The following AGMO variants were observed in gnomAD, a reference collection of about 807,000 sequenced individuals.
AGMO encodes the protein alkylglycerol monooxygenase.
A neutral mutation model predicts 60.2 loss-of-function variants in AGMO; 75 were observed. That is an observed-to-expected ratio of 1.25 (90% CI 1.03 to 1.51). AGMO has a LOEUF of 1.51. Ranked by LOEUF, AGMO falls within the 40% of genes most tolerant of loss-of-function variation. The pLI, the probability that AGMO is intolerant of heterozygous loss-of-function variation, is 0.00. For missense variants in AGMO, 763 were observed against 525.5 expected (o/e 1.45, Z -4.42); for synonymous variants, 261 against 177.1 (o/e 1.47, Z -3.76).
chr7:15,207,963 A>G (rs1394137036), intron 12 of AGMO, among the ~76,000 whole-genome samples: 1 of 152,184 alleles, frequency 6.6e-6, no homozygotes, highest in Non-Finnish European at 1.5e-5. Context: ...AAATAAGGAA[A>G]TAAATAAAGT....
chr7:15,166,403 A>G, the AGMO span, among the ~76,000 whole-genome samples: 1 of 152,170 alleles, frequency 6.6e-6, no homozygotes, highest in Non-Finnish European at 1.5e-5. Context: ...TGGTGTCGGG[A>G]GACCAGAGTG....
intron 12 of AGMO, among the ~76,000 whole-genome samples, chr7:15,278,245 A>G (rs552916239): frequency 6.6e-6 from 1 of 151,996 alleles, no homozygotes; most frequent in African/African-American, 2.4e-5. Context: ...ACAGAAGGGG[A>G]GTGACTTTAC....
At chr7:15,276,026 T>G (rs767239878) in intron 12 of AGMO, among the ~76,000 whole-genome samples, 13 of 152,154 alleles carry the variant, frequency 8.5e-5, no homozygotes, top group Admixed American at 1.3e-4. Flanking sequence ...CCATTTATTT[T>G]TAATGTTAAT....
chr7:15,198,390 T>G (rs1231297886), downstream of AGMO, among the ~76,000 whole-genome samples: 1 of 152,110 alleles, frequency 6.6e-6, no homozygotes, highest in African/African-American at 2.4e-5. Flanking sequence ...AAAAGAAAAC[T>G]GGACTGGAAA....
chr7:15,325,797 T>TA (rs1349905430), intron 12 of AGMO, among the ~76,000 whole-genome samples: 1 of 152,164 alleles, frequency 6.6e-6, no homozygotes, highest in Non-Finnish European at 1.5e-5. Context: ...AGGATTATCT[T>TA]AATAGGAAGT....
chr7:15,408,493 C>T (rs1374856851), intron 5 of AGMO, among the ~76,000 whole-genome samples: 2 of 151,712 alleles, frequency 1.3e-5, no homozygotes, highest in African/African-American at 2.4e-5. Flanking sequence ...GCGGTATTAA[C>T]GAACTATTTA....
At chr7:15,411,881 G>A (rs949079729) in intron 5 of AGMO, among the ~76,000 whole-genome samples, 3 of 152,004 alleles carry the variant, frequency 2.0e-5, no homozygotes, top group African/African-American at 7.2e-5. Context: ...TTACACATGA[G>A]TGGATCTTGA....
intron 12 of AGMO, among the ~76,000 whole-genome samples, chr7:15,309,323 C>A (rs1352581831): frequency 6.6e-6 from 1 of 151,946 alleles, no homozygotes; most frequent in Non-Finnish European, 1.5e-5. Context: ...TGAGTAGGTA[C>A]CAATAAAAAA....
chr7:15,546,254 C>A (rs115466762), intron 2 of AGMO, among the ~76,000 whole-genome samples: 1 of 152,008 alleles, frequency 6.6e-6, no homozygotes, highest in Non-Finnish European at 1.5e-5. Context: ...TTAATATATG[C>A]AACTCAGAGA....
Position 15,529,699 on chromosome 7 carries a change from C to CAT in AGMO, c.409+15071_409+15072dup, listed in dbSNP as rs1491105525. Among the ~76,000 whole-genome samples, 17 of 20,660 alleles carry CAT rather than the reference C, an allele frequency of 8.2e-4. 1 individual carries two copies. The East Asian group carries it at 0.045, about 55-fold the overall frequency. The allele number at this position is 20,660 out of a possible 152,430, so 13.6% of individuals were successfully genotyped here. A position where few individuals can be genotyped will look rare whatever the true frequency, so the allele number is the denominator to read the frequency against. Reference sequence around the variant, plus strand: ...TATTCTATATATAGAATATATATTCCATATATACTATATATATACTATATA... The same window carrying CAT: ...TATTCTATATATAGAATATATATTCCATATATATACTATATATATACTATATA... On this transcript the variant is annotated intron_variant, in intron 3 of 12. Transcript: ENST00000342526.
intron 12 of AGMO, among the ~76,000 whole-genome samples, chr7:15,301,850 T>C (rs1237989969): frequency 6.6e-6 from 1 of 152,088 alleles, no homozygotes; most frequent in Non-Finnish European, 1.5e-5. Context: ...TTTTATTATA[T>C]AGAAATGGGC....
chr7:15,511,444 T>C (rs1364909164), intron 3 of AGMO, among the ~76,000 whole-genome samples: 1 of 151,926 alleles, frequency 6.6e-6, no homozygotes, highest in Non-Finnish European at 1.5e-5. Flanking sequence ...GGACCTGCTG[T>C]AGAAAGAAAC....
chr7:15,378,297 TG>T (rs1188530195), intron 10 of AGMO, among the ~76,000 whole-genome samples: 2 of 152,032 alleles, frequency 1.3e-5, no homozygotes, highest in Non-Finnish European at 2.9e-5. Context: ...TTACTAACTT[TG>T]AACACACGCA....
At chr7:15,183,309 C>T in the AGMO span, among the ~76,000 whole-genome samples, 2 of 152,142 alleles carry the variant, frequency 1.3e-5, no homozygotes, top group African/African-American at 4.8e-5. Context: ...TCTTAACTAA[C>T]ATTCACCATG....
intron 12 of AGMO, among the ~76,000 whole-genome samples, chr7:15,286,097 GC>G (rs1317059406): frequency 3.3e-5 from 5 of 151,912 alleles, no homozygotes; most frequent in African/African-American, 1.2e-4. Context: ...AAGACTTAAA[GC>G]TAAGACCTGA....
intron 5 of AGMO, among the ~76,000 whole-genome samples, chr7:15,401,471 C>G (rs1784550520): frequency 1.3e-5 from 2 of 152,176 alleles, no homozygotes; most frequent in South Asian, 4.1e-4. Flanking sequence ...GTTTGAATTG[C>G]TTGGAAATTT....
chr7:15,138,195 C>G, the AGMO span, among the ~76,000 whole-genome samples: 1 of 152,258 alleles, frequency 6.6e-6, no homozygotes, highest in East Asian at 1.9e-4. Flanking sequence ...GCTTGCATAA[C>G]TGTTACTTAT....
At chr7:15,237,897 A>C (rs1297988708) in intron 12 of AGMO, among the ~76,000 whole-genome samples, 1 of 152,100 alleles carries the variant, frequency 6.6e-6, no homozygotes, top group Admixed American at 6.5e-5. Context: ...ACAATTTTAC[A>C]ACTCCATATA....
At chr7:15,285,808 C>T (rs1273785721) in intron 12 of AGMO, among the ~76,000 whole-genome samples, 24 of 152,026 alleles carry the variant, frequency 1.6e-4, no homozygotes, top group African/African-American at 5.3e-4. Context: ...TCACATTACC[C>T]GACTTCAAAT....
Sources: allele counts gnomAD v4.1 joint callset (sites outside exome capture counted in the v4.1 genomes callset), GRCh38; gene constraint gnomAD v4.1.1; transcripts MANE v1.5; gene names NCBI Gene and HGNC (gene_info 2026-07-23, HGNC 2026-07-21).